EPHA6: variants seen among roughly 807,000 people sequenced by gnomAD.
The protein encoded by EPHA6 is ephrin type-A receptor 6.
A neutral mutation model predicts 112.0 loss-of-function variants in EPHA6; 50 were observed. The observed-to-expected ratio is 0.45, with a 90% CI of 0.36 to 0.56. The LOEUF (loss-of-function observed/expected upper bound fraction) is 0.56, where lower values mean the gene tolerates loss of function less well. Ranked by LOEUF, EPHA6 falls within the 20% of genes least tolerant of loss-of-function variation. The pLI is 0.00. For synonymous variants in EPHA6, 529 were observed against 490.7 expected, an observed-to-expected ratio of 1.08 and a Z score of -1.03; for missense variants, 1,280 against 1,417.4, an observed-to-expected ratio of 0.90 and a Z score of 1.56.
At chr3:97,532,336 C>G in intron 10 of EPHA6, 22 bp from the exon 11 acceptor site, 1 of 1,579,034 alleles carries the variant, frequency 6.3e-7, no homozygotes, top group Non-Finnish European at 8.6e-7. Context: ...AATCAAATAA[C>G]TGCTTTTGTT....
intron 3 of EPHA6, among the ~76,000 whole-genome samples, chr3:97,095,721 A>C (rs1193354997): frequency 6.6e-6 from 1 of 151,984 alleles, no homozygotes; most frequent in Non-Finnish European, 1.5e-5. Context: ...AGTAGTTCAC[A>C]AACTTTGTTG....
chr3:97,428,832 G>C (rs2089322051), intron 6 of EPHA6, among the ~76,000 whole-genome samples: 1 of 152,118 alleles, frequency 6.6e-6, no homozygotes, highest in Admixed American at 6.5e-5. Context: ...CAAAAGAGCA[G>C]TCTCCTCTTG....
intron 3 of EPHA6, among the ~76,000 whole-genome samples, chr3:97,063,796 C>G (rs2046098623): frequency 6.6e-6 from 1 of 152,120 alleles, no homozygotes; most frequent in Non-Finnish European, 1.5e-5. Flanking sequence ...TAGTGTCTCT[C>G]CAGCGTACAC....
chr3:97,175,494 T>G (rs969549095), intron 3 of EPHA6, among the ~76,000 whole-genome samples: 10 of 151,962 alleles, frequency 6.6e-5, no homozygotes, highest in Admixed American at 2.6e-4. Context: ...GTATGGACAT[T>G]TTAACAATAT....
At chr3:97,270,732 T>A (rs149010080) in intron 5 of EPHA6, among the ~76,000 whole-genome samples, 2 of 152,340 alleles carry the variant, frequency 1.3e-5, no homozygotes, top group East Asian at 3.9e-4. Context: ...GGTTGCCCAG[T>A]TTAGAGGATC....
intron 10 of EPHA6, among the ~76,000 whole-genome samples, chr3:97,522,582 T>C (rs1160884272): frequency 6.6e-6 from 1 of 152,174 alleles, no homozygotes; most frequent in Non-Finnish European, 1.5e-5. Context: ...TTAGAAGTAT[T>C]CTCTCTTCTT....
At chr3:97,307,920 A>T (rs2081386778) in intron 5 of EPHA6, among the ~76,000 whole-genome samples, 1 of 151,728 alleles carries the variant, frequency 6.6e-6, no homozygotes, top group Admixed American at 6.6e-5. Flanking sequence ...TATCATAGAC[A>T]ACATAAACTC....
chr3:96,819,560 A>T (rs539006644), intron 1 of EPHA6, among the ~76,000 whole-genome samples: 2 of 152,214 alleles, frequency 1.3e-5, no homozygotes, highest in South Asian at 4.1e-4. Flanking sequence ...ACAGTAATAG[A>T]AATTTTTTCA....
intron 11 of EPHA6, among the ~76,000 whole-genome samples, chr3:97,553,975 C>A (rs1050124206): frequency 6.6e-6 from 1 of 152,052 alleles, no homozygotes; most frequent in Non-Finnish European, 1.5e-5. Context: ...AAACTATCAG[C>A]CTTGTTTATG....
intron 2 of EPHA6, among the ~76,000 whole-genome samples, chr3:96,986,416 C>T (rs1274539695): frequency 6.6e-6 from 1 of 152,080 alleles, no homozygotes; most frequent in African/African-American, 2.4e-5. Flanking sequence ...ACCTAATGTG[C>T]TTTCAGTGCC....
At chr3:96,983,265 C>T (rs1300475474) in intron 2 of EPHA6, among the ~76,000 whole-genome samples, 2 of 152,140 alleles carry the variant, frequency 1.3e-5, no homozygotes, top group African/African-American at 2.4e-5. Context: ...CAAAAACTAG[C>T]AGCATTTGTT....
intron 2 of EPHA6, among the ~76,000 whole-genome samples, chr3:96,985,580 T>A (rs2042991626): frequency 6.6e-6 from 1 of 152,164 alleles, no homozygotes; most frequent in Non-Finnish European, 1.5e-5. Context: ...TATATTCCCA[T>A]GAGATTTTTG....
intron 11 of EPHA6, among the ~76,000 whole-genome samples, chr3:97,561,380 T>C (rs1398091108): frequency 6.6e-6 from 1 of 152,026 alleles, no homozygotes; most frequent in Non-Finnish European, 1.5e-5. Flanking sequence ...CATTGAACTC[T>C]ACAATGAGAA....
intron 14 of EPHA6, among the ~76,000 whole-genome samples, chr3:97,677,907 A>G (rs1406238697): frequency 6.6e-6 from 1 of 152,126 alleles, no homozygotes; most frequent in Non-Finnish European, 1.5e-5. Flanking sequence ...ATGTTATTAC[A>G]CAGATTATAA....
chr3:97,282,076 T>A (rs1430995670), intron 5 of EPHA6, among the ~76,000 whole-genome samples: 3 of 152,318 alleles, frequency 2.0e-5, no homozygotes, highest in Admixed American at 6.5e-5. Context: ...AACATAGCAG[T>A]TCAGTAATTG....
intron 5 of EPHA6, among the ~76,000 whole-genome samples, chr3:97,357,479 G>A (rs1466349349): frequency 2.0e-5 from 3 of 152,138 alleles, no homozygotes; most frequent in Admixed American, 6.5e-5. Flanking sequence ...TAGGATTACA[G>A]GCATGAGCCA....
intron 1 of EPHA6, among the ~76,000 whole-genome samples, chr3:96,841,574 A>G (rs922962679): frequency 3.3e-5 from 5 of 152,016 alleles, no homozygotes; most frequent in South Asian, 2.1e-4. Context: ...CTAAAGGCTC[A>G]CTTTCCCACT....
chr3:97,678,799 CTT>C lies in EPHA6; in HGVS notation c.2784+40720_2784+40721del, dbSNP rs566763027. Among the ~76,000 whole-genome samples, 18 of 152,190 alleles carry C rather than the reference CTT, an allele frequency of 1.2e-4. No homozygotes were observed. In the South Asian group the frequency reaches 3.3e-3, roughly 28 times the overall value. ...ATGAATAATACAAGCCCTGATTTCA[CTT>C]TTGTTTTGATTGTCCTGAAATAGTT... On this transcript the variant is annotated intron_variant, in intron 14 of 17. Transcript: ENST00000389672.
chr3:97,145,716 AT>A (rs1404159062), intron 3 of EPHA6, among the ~76,000 whole-genome samples: 1 of 151,690 alleles, frequency 6.6e-6, no homozygotes, highest in East Asian at 1.9e-4. Flanking sequence ...TACCACATTT[AT>A]TGAAGGATTT....
Sources: gnomAD v4.1 joint callset for allele counts (sites outside exome capture counted in the v4.1 genomes callset) on GRCh38, gnomAD v4.1.1 for gene constraint, MANE v1.5 for transcripts, NCBI Gene and HGNC (gene_info 2026-07-23, HGNC 2026-07-21) for gene names.